MCC: variants seen among roughly 807,000 people sequenced by gnomAD.
MCC encodes the protein colorectal mutant cancer protein.
MCC carries 90 observed loss-of-function variants against 116.2 expected under a neutral mutation model. The ratio of observed to expected loss-of-function variants is 0.77; its 90% CI spans 0.65 to 0.92. The LOEUF (loss-of-function observed/expected upper bound fraction) is 0.92, where lower values mean the gene tolerates loss of function less well. Among genes scored for constraint, MCC ranks in the 40% least tolerant of loss-of-function variants. The pLI is 0.00. For missense variants in MCC, 1,516 were observed against 1,312.2 expected, an observed-to-expected ratio of 1.16 and a Z score of -2.40; for synonymous variants, 578 against 510.5, an observed-to-expected ratio of 1.13 and a Z score of -1.78.
chr5:113,271,552 CAT>C (rs1234344880), intron 3 of MCC, among the ~76,000 whole-genome samples: 6 of 152,272 alleles, frequency 3.9e-5, no homozygotes, highest in African/African-American at 1.4e-4. Context: ...CCAGGACTAG[CAT>C]AGTTTTTGCA....
intron 3 of MCC, among the ~76,000 whole-genome samples, chr5:113,215,001 A>G (rs1273342617): frequency 7.2e-6 from 1 of 138,882 alleles, no homozygotes; most frequent in Non-Finnish European, 1.5e-5. Context: ...CACACAAACC[A>G]TTTCCCTTAC....
chr5:113,284,623 C>A (rs1194537164), intron 3 of MCC, among the ~76,000 whole-genome samples: 3 of 152,166 alleles, frequency 2.0e-5, no homozygotes, highest in Non-Finnish European at 2.9e-5. Flanking sequence ...CTTCTTCAGG[C>A]CTCAGTTTCT....
At chr5:113,433,797 G>C (rs199777349) in intron 1 of MCC, 5 of 1,613,924 alleles carry the variant, frequency 3.1e-6, no homozygotes, top group Non-Finnish European at 4.2e-6. Context: ...CATAGTCGAC[G>C]GCTTGCTGGG....
At chr5:113,212,239 C>A (rs1290736071) in intron 3 of MCC, among the ~76,000 whole-genome samples, 1 of 152,152 alleles carries the variant, frequency 6.6e-6, no homozygotes, top group African/African-American at 2.4e-5. Context: ...ACACACCTAT[C>A]TAATACTCAA....
At chr5:113,365,083 T>C (rs1768653627) in intron 2 of MCC, among the ~76,000 whole-genome samples, 1 of 152,204 alleles carries the variant, frequency 6.6e-6, no homozygotes, top group Non-Finnish European at 1.5e-5. Flanking sequence ...ACTGAATTCT[T>C]CCCCTGAAAA....
At chr5:113,418,141 A>G (rs1046996245) in intron 1 of MCC, among the ~76,000 whole-genome samples, 1 of 151,908 alleles carries the variant, frequency 6.6e-6, no homozygotes, top group Non-Finnish European at 1.5e-5. Context: ...TTTCCCTTCT[A>G]TTTGATAGAG....
intron 3 of MCC, among the ~76,000 whole-genome samples, chr5:113,312,478 C>G (rs1046787719): frequency 1.3e-5 from 2 of 152,032 alleles, no homozygotes; most frequent in African/African-American, 4.8e-5. Context: ...GTGTTCAAGT[C>G]ACAGAAACTT....
At chr5:113,109,789 A>G (rs1425532622) in intron 6 of MCC, among the ~76,000 whole-genome samples, 2 of 152,196 alleles carry the variant, frequency 1.3e-5, no homozygotes, top group Non-Finnish European at 2.9e-5. Context: ...ATTTAATTAA[A>G]AAAAATTTTC....
At chr5:113,215,252 T>C (rs542915136) in intron 3 of MCC, among the ~76,000 whole-genome samples, 3 of 152,342 alleles carry the variant, frequency 2.0e-5, no homozygotes, top group African/African-American at 7.2e-5. Flanking sequence ...ATAGCTTGTC[T>C]ATTTCCTCTA....
chr5:113,133,083 G>A (rs1049167117), intron 5 of MCC, among the ~76,000 whole-genome samples: 3 of 152,034 alleles, frequency 2.0e-5, no homozygotes, highest in African/African-American at 4.8e-5. Context: ...TTTATAATGT[G>A]TAATAATCAA....
chr5:113,153,232 C>G (rs1295391106), intron 3 of MCC, among the ~76,000 whole-genome samples: 2 of 152,142 alleles, frequency 1.3e-5, no homozygotes, highest in African/African-American at 4.8e-5. Context: ...GATAAGGATC[C>G]CAGCTCTGTT....
intron 6 of MCC, among the ~76,000 whole-genome samples, chr5:113,109,079 G>T (rs1201373288): frequency 6.6e-6 from 1 of 152,220 alleles, no homozygotes; most frequent in Non-Finnish European, 1.5e-5. Flanking sequence ...CATGGCTCCA[G>T]ACAGAACTGT....
intron 3 of MCC, among the ~76,000 whole-genome samples, chr5:113,276,135 G>C (rs1037107911): frequency 1.1e-4 from 17 of 152,168 alleles, no homozygotes; most frequent in African/African-American, 3.4e-4. Context: ...GCCCATGCTG[G>C]CTCCCCAAGC....
At chr5:113,356,138 C>T (rs1466757081) in intron 2 of MCC, among the ~76,000 whole-genome samples, 1 of 150,010 alleles carries the variant, frequency 6.7e-6, no homozygotes. Context: ...TCATAGCTCA[C>T]TGTAGCATCC....
chr5:113,441,278 T>C (rs1229551830), intron 1 of MCC, among the ~76,000 whole-genome samples: 1 of 152,114 alleles, frequency 6.6e-6, no homozygotes, highest in African/African-American at 2.4e-5. Flanking sequence ...GAGGTTACAG[T>C]GAGCCCAGAT....
chr5:113,064,406 G>A (rs1177480626), intron 13 of MCC, among the ~76,000 whole-genome samples: 1 of 152,240 alleles, frequency 6.6e-6, no homozygotes, highest in African/African-American at 2.4e-5. Flanking sequence ...AGGGACAAGT[G>A]TAGGAGTTAA....
chr5:113,298,119 T>C (rs551160029), intron 3 of MCC, among the ~76,000 whole-genome samples: 1 of 152,278 alleles, frequency 6.6e-6, no homozygotes, highest in African/African-American at 2.4e-5. Flanking sequence ...TAAATTTGCC[T>C]AGGAAGAGAG....
At chr5:113,179,362 T>C (rs916090927) in intron 3 of MCC, among the ~76,000 whole-genome samples, 17 of 152,200 alleles carry the variant, frequency 1.1e-4, no homozygotes, top group African/African-American at 3.6e-4. Context: ...AACATTTGTC[T>C]TCTCAAATGC....
rs140074272 is a variant in MCC at position 113,199,913 on chromosome 5, G to T, written c.628-48491C>A. Among the ~76,000 whole-genome samples the T allele has an allele frequency of 1.1e-4, 17 of 152,316 alleles. No homozygotes were observed. In the East Asian group the frequency reaches 3.3e-3, roughly 29 times the overall value. The stretch of plus-strand genomic sequence containing the variant: ...GATATTTTTCTGGCTTCTTCCCGGT[G>T]AAGGCTATTGATTTTGAAAGATAAA... On this transcript the variant is annotated intron_variant, in intron 3 of 18. Coordinates refer to ENST00000408903, the MANE Select transcript of MCC (RefSeq NM_001085377.2).
Sources: allele counts gnomAD v4.1 joint callset (sites outside exome capture counted in the v4.1 genomes callset), GRCh38; gene constraint gnomAD v4.1.1; transcripts MANE v1.5; gene names NCBI Gene and HGNC (gene_info 2026-07-23, HGNC 2026-07-21).